STK33: variants seen among roughly 807,000 people sequenced by gnomAD.
STK33 encodes serine/threonine kinase 33.
STK33 carries 52 observed loss-of-function variants against 58.0 expected under a neutral mutation model. That is an observed-to-expected ratio of 0.90 (90% CI 0.72 to 1.13). STK33 has a LOEUF of 1.13. STK33 is among the 50% of genes most tolerant of loss of function. The pLI is 0.00. For missense variants in STK33, 630 were observed against 604.2 expected (o/e 1.04, Z -0.45); for synonymous variants, 215 against 200.1 (o/e 1.07, Z -0.63).
At chr11:8,458,316 A>T (rs1403147723) in intron 8 of STK33, among the ~76,000 whole-genome samples, 1 of 152,082 alleles carries the variant, frequency 6.6e-6, no homozygotes, top group African/African-American at 2.4e-5. Context: ...CTTTACTTCT[A>T]GACTTGAAAA....
intron 1 of STK33, among the ~76,000 whole-genome samples, chr11:8,562,822 G>A (rs542209307): frequency 3.3e-5 from 5 of 152,238 alleles, no homozygotes; most frequent in Admixed American, 3.3e-4. Flanking sequence ...ACTTTGGGAG[G>A]CACTGAAGAT....
At chr11:8,572,153 C>T (rs1177454293) in intron 1 of STK33, among the ~76,000 whole-genome samples, 3 of 151,910 alleles carry the variant, frequency 2.0e-5, no homozygotes, top group African/African-American at 7.3e-5. Context: ...GACAGAACAA[C>T]GCCCAGATCT....
At chr11:8,379,987 C>T in the STK33 span, among the ~76,000 whole-genome samples, 6 of 152,170 alleles carry the variant, frequency 3.9e-5, no homozygotes, top group Non-Finnish European at 5.9e-5. Flanking sequence ...CCATAGTATT[C>T]CATGGTGTTT....
chr11:8,517,567 ATTG>A, intron 1 of STK33, among the ~76,000 whole-genome samples: 1 of 152,340 alleles, frequency 6.6e-6, no homozygotes, highest in Non-Finnish European at 1.5e-5. Flanking sequence ...GTTCAAACCC[ATTG>A]CAAAGAAGCT....
intron 1 of STK33, among the ~76,000 whole-genome samples, chr11:8,494,730 C>T (rs2138851752): frequency 6.6e-6 from 1 of 152,312 alleles, no homozygotes; most frequent in South Asian, 2.1e-4. Flanking sequence ...CAGCCTGGTA[C>T]TGGTACCAAA....
chr11:8,391,691 C>CAGTTGA (rs1848632142), downstream of STK33, among the ~76,000 whole-genome samples: 1 of 152,142 alleles, frequency 6.6e-6, no homozygotes, highest in Admixed American at 6.5e-5. Flanking sequence ...ATTAGTTACC[C>CAGTTGA]AGGTGGAAAG....
intron 6 of STK33, among the ~76,000 whole-genome samples, chr11:8,469,318 G>C (rs1948546990): frequency 6.6e-6 from 1 of 152,182 alleles, no homozygotes; most frequent in Admixed American, 6.5e-5. Context: ...ATCTTCACTA[G>C]GAGTATATTC....
rs1248313328 is a variant in STK33 at position 8,399,125 on chromosome 11, C to T, written c.1345-6415G>A. 2.6e-5 allele frequency among the ~76,000 whole-genome samples: 4 copies of T among 152,218 alleles called. No homozygotes were observed. The East Asian group carries it at 7.7e-4, about 29-fold the overall frequency. On this transcript the variant is annotated intron_variant, in intron 15 of 15. Transcript: ENST00000687296. ...CTCTGCACCAAGTGGACCTAATAGA[C>T]TTCTACAGAACTTTCCACCCCAAAT...
intron 11 of STK33, among the ~76,000 whole-genome samples, chr11:8,442,550 A>T (rs1013130900): frequency 1.2e-4 from 18 of 152,208 alleles, no homozygotes; most frequent in African/African-American, 4.3e-4. Context: ...TCCACAAACC[A>T]TCTGTCTTCT....
chr11:8,543,266 T>C (rs1955662955), intron 1 of STK33, among the ~76,000 whole-genome samples: 1 of 152,232 alleles, frequency 6.6e-6, no homozygotes, highest in Non-Finnish European at 1.5e-5. Context: ...ACATTTCAAA[T>C]GTCTTCAGTG....
At chr11:8,526,543 C>T in intron 1 of STK33, among the ~76,000 whole-genome samples, 1 of 151,972 alleles carries the variant, frequency 6.6e-6, no homozygotes, top group East Asian at 1.9e-4. Context: ...AGATGTGCTC[C>T]AAAATACATG....
chr11:8,522,958 G>A (rs1293550324), intron 1 of STK33, among the ~76,000 whole-genome samples: 2 of 152,202 alleles, frequency 1.3e-5, no homozygotes, highest in African/African-American at 4.8e-5. Flanking sequence ...CGCCTGACTG[G>A]TTTTCGTATT....
intron 14 of STK33, among the ~76,000 whole-genome samples, chr11:8,427,641 A>G (rs1002201060): frequency 7.9e-5 from 12 of 151,980 alleles, no homozygotes; most frequent in Admixed American, 6.6e-5. Context: ...TTTTCAACTT[A>G]TTTATCCTCT....
At chr11:8,447,572 G>C (rs1403656160) in intron 11 of STK33, among the ~76,000 whole-genome samples, 1 of 152,128 alleles carries the variant, frequency 6.6e-6, no homozygotes, top group Admixed American at 6.5e-5. Context: ...AAAGGCCTTT[G>C]ACAAAATTCA....
At chr11:8,403,640 A>G (rs1337495934) in intron 15 of STK33, among the ~76,000 whole-genome samples, 1 of 152,204 alleles carries the variant, frequency 6.6e-6, no homozygotes, top group East Asian at 1.9e-4. Context: ...TTGGAGGCAG[A>G]ATGATGGAAA....
intron 1 of STK33, among the ~76,000 whole-genome samples, chr11:8,515,090 C>T (rs539058202): frequency 4.9e-4 from 75 of 152,068 alleles, no homozygotes; most frequent in African/African-American, 1.8e-3. Context: ...AATTAAAATG[C>T]ATCCAGATTA....
chr11:8,434,201 T>C lies in STK33; in HGVS notation c.1146+1293A>G, dbSNP rs530759789. The C allele has an allele frequency of 3.2e-4, 56 of 176,426 alleles. No homozygotes were observed. The South Asian group carries it at 4.4e-3, about 14-fold the overall frequency. 10.9% of individuals were successfully genotyped at this position (176,426 alleles called of 1,614,324 possible). On this transcript the variant is annotated intron_variant, in intron 14 of 15. Transcript: ENST00000687296. ...AGGCAGAGGTTGCAGTGAGCCGAGA[T>C]TGTGTCACTGCACTCCAGCCTGGTG...
intron 1 of STK33, among the ~76,000 whole-genome samples, chr11:8,540,836 T>C (rs984912293): frequency 1.3e-5 from 2 of 152,134 alleles, no homozygotes; most frequent in Non-Finnish European, 2.9e-5. Context: ...ACATGAGGAC[T>C]AAAGTTAATC....
At chr11:8,560,209 G>A (rs944076290) in intron 1 of STK33, among the ~76,000 whole-genome samples, 1 of 152,124 alleles carries the variant, frequency 6.6e-6, no homozygotes, top group Admixed American at 6.5e-5. Flanking sequence ...TTTGATAAAT[G>A]TCAGACTGCC....
Sources: allele counts gnomAD v4.1 joint callset (sites outside exome capture counted in the v4.1 genomes callset), GRCh38; gene constraint gnomAD v4.1.1; transcripts MANE v1.5; gene names NCBI Gene and HGNC (gene_info 2026-07-23, HGNC 2026-07-21).